The following EEF2K variants were observed in gnomAD, a reference collection of about 807,000 sequenced individuals.
EEF2K encodes eukaryotic elongation factor 2 kinase, also known as alternative protein EEF2K.
EEF2K carries 70 observed loss-of-function variants against 93.8 expected under a neutral mutation model. The observed-to-expected ratio is 0.75, with a 90% CI of 0.62 to 0.91. The LOEUF (loss-of-function observed/expected upper bound fraction) is 0.91. EEF2K is among the 40% of genes least tolerant of loss of function. EEF2K has a pLI of 0.00. For missense variants in EEF2K, 935 were observed against 972.9 expected, an observed-to-expected ratio of 0.96 and a Z score of 0.52; for synonymous variants, 376 against 380.8, an observed-to-expected ratio of 0.99 and a Z score of 0.15.
At position 22,259,777 on chromosome 16, in the gene EEF2K, A is replaced by ATC. The variant is rs1180024920; in HGVS notation, c.1232-675_1232-674dup. Among the ~76,000 whole-genome samples, 35 of 151,794 alleles carry ATC rather than the reference A, an allele frequency of 2.3e-4. 1 individual carries two copies. On this transcript the variant is annotated intron_variant, in intron 10 of 17. Coordinates refer to ENST00000263026, the MANE Select transcript of EEF2K (RefSeq NM_013302.5). ...TTTGTTTGTTTTGTTTTGAGACGGAATCTCTCTCTCTGTCACCCCGGCTGG... is the reference window on the plus strand; with the variant it reads ...TTTGTTTGTTTTGTTTTGAGACGGAATCTCTCTCTCTCTGTCACCCCGGCTGG...
rs751801484 is a variant in EEF2K, at chr16:22,248,775, A to T, written c.368A>T (p.Glu123Val). 2 of 1,613,962 alleles carry T rather than the reference A, an allele frequency of 1.2e-6. No homozygotes were observed. The highest frequency in any genetic ancestry group is 3.3e-5 in the Admixed American group (2 of 59,998). Reference sequence around the variant, plus strand: ...TGCAGGTACAACGCCGTCACCGGGGAATGGCTGGATGATGAAGTTCTGATC... The same window carrying T: ...TGCAGGTACAACGCCGTCACCGGGGTATGGCTGGATGATGAAGTTCTGATC... ...TRHRYNAVTG[E>V]WLDDEVLIKM... The change falls in exon 4 of 18, where the codon GAA becomes GTA. Residue 123 changes from glutamate (E) to valine (V), a missense_variant. Coordinates refer to ENST00000263026, the MANE Select transcript of EEF2K (RefSeq NM_013302.5).
intron 1 of EEF2K, among the ~76,000 whole-genome samples, chr16:22,208,094 CCT>C (rs1353443261): frequency 2.0e-5 from 3 of 152,228 alleles, no homozygotes; most frequent in African/African-American, 7.2e-5. Flanking sequence ...CGTCCGCCCT[CCT>C]CTCAGCCCCC....
intron 12 of EEF2K, among the ~76,000 whole-genome samples, chr16:22,263,698 G>A (rs1175317718): frequency 6.6e-6 from 1 of 152,218 alleles, no homozygotes; most frequent in Non-Finnish European, 1.5e-5. Flanking sequence ...GGCAAGTGTG[G>A]AGGCTTAGAT....
In EEF2K at chr16:22,248,827, G is replaced by A. The variant is rs201888471; in HGVS notation, c.408+12G>A. On this transcript the variant is annotated intron_variant, in intron 4 of 17. Coordinates refer to ENST00000263026, the MANE Select transcript of EEF2K (RefSeq NM_013302.5). ...AGATGGCATCTCAGGTGAGCAGAGC[G>A]TTGAGCCCCGTGGGGACAGGGCTGA... 1,537 of 1,613,772 alleles carry A rather than the reference G, an allele frequency of 9.5e-4. 12 individuals are homozygous for A. The highest frequency in any genetic ancestry group is 2.6e-3 in the Middle Eastern group (16 of 6,060).
intron 4 of EEF2K, among the ~76,000 whole-genome samples, chr16:22,250,279 T>C (rs2047335758): frequency 6.6e-6 from 1 of 152,206 alleles, no homozygotes; most frequent in Non-Finnish European, 1.5e-5. Context: ...ATTGAAGGAA[T>C]ACACCTGGTT....
chr16:22,257,362 C>T lies in EEF2K; in HGVS notation c.878C>T (p.Thr293Ile), dbSNP rs1179908879. 7 of 1,613,664 alleles carry T rather than the reference C, an allele frequency of 4.3e-6. No homozygotes were observed. In the East Asian group the frequency reaches 8.9e-5, roughly 21 times the overall value. Residue 293 changes from threonine (T) to isoleucine (I), a missense_variant, in exon 8 of 18, where the codon ACT becomes ATT. Physicochemically the swap from Thr to Ile is moderately conservative, Grantham distance 89. Transcript: ENST00000263026. Reference sequence around the variant, plus strand: ...CCACAGATCCACACGGAGACGGGCACTGACTTTGGAGACGGCAACCTAGGT... The same window carrying T: ...CCACAGATCCACACGGAGACGGGCATTGACTTTGGAGACGGCAACCTAGGT... ...TDPQIHTETG[T>I]DFGDGNLGVR... is the part of the protein sequence containing the mutation.
rs148266060 is a variant in EEF2K at position 22,225,822 on chromosome 16, C to T, written c.93C>T (p.Ser31=). Residue 31 remains serine (S), a synonymous_variant, in exon 2 of 18, where the codon AGC becomes AGT. Transcript: ENST00000263026. Reference sequence around the variant, plus strand: ...ATGATGGTGATTCTGATGGGGACAGCGACGATGAGGAAGGTTACTTCATCT... The same window carrying T: ...ATGATGGTGATTCTGATGGGGACAGTGACGATGAGGAAGGTTACTTCATCT... ...AGHDGDSDGD[S]DDEEGYFICP... The T allele has an allele frequency of 8.7e-5, 141 of 1,614,234 alleles. 1 individual carries two copies. The African/African-American group carries it at 1.0e-3, about 12-fold the overall frequency.
At position 22,230,016 on chromosome 16, in the gene EEF2K, C is replaced by T. The variant is rs759722099; in HGVS notation, c.246+4041C>T. 4.6e-5 allele frequency among the ~76,000 whole-genome samples: 7 copies of T among 152,162 alleles called. 1 individual carries two copies. In the South Asian group the frequency reaches 6.2e-4, roughly 14 times the overall value. On this transcript the variant is annotated intron_variant, in intron 2 of 17. Transcript: ENST00000263026. ...GGGCAGGCAGCTCCAGAAATAGCCC[C>T]GTGGGTCTCCTCTGGGGTCCGGGGG...
At chr16:22,247,421 C>T (rs1018090942) in intron 3 of EEF2K, among the ~76,000 whole-genome samples, 5 of 150,080 alleles carry the variant, frequency 3.3e-5, no homozygotes, top group Non-Finnish European at 7.4e-5. Context: ...GCACTCCAGC[C>T]TGGGTGATGG....
chr16:22,259,920 T>G (rs2047445955), intron 10 of EEF2K, among the ~76,000 whole-genome samples: 1 of 152,036 alleles, frequency 6.6e-6, no homozygotes. Flanking sequence ...ACCCAGCTAA[T>G]TTTTGTATTT....
At chr16:22,245,287 A>ATAAAT (rs2047276442) in intron 3 of EEF2K, among the ~76,000 whole-genome samples, 1 of 152,046 alleles carries the variant, frequency 6.6e-6, no homozygotes, top group Non-Finnish European at 1.5e-5. Context: ...ATAAAATAAA[A>ATAAAT]TTGTTGCAAA....
intron 2 of EEF2K, among the ~76,000 whole-genome samples, chr16:22,239,165 G>GA (rs1349153270): frequency 6.6e-6 from 1 of 151,728 alleles, no homozygotes; most frequent in Non-Finnish European, 1.5e-5. Context: ...TCTGGGTTTG[G>GA]AAAAAAGGTA....
At chr16:22,264,512 G>C (rs997844372) in intron 12 of EEF2K, among the ~76,000 whole-genome samples, 1 of 152,018 alleles carries the variant, frequency 6.6e-6, no homozygotes, top group Non-Finnish European at 1.5e-5. Context: ...AGCTCTGCCC[G>C]TTACCCCAGT....
At chr16:22,233,043 G>A (rs897010241) in intron 2 of EEF2K, among the ~76,000 whole-genome samples, 2 of 152,218 alleles carry the variant, frequency 1.3e-5, no homozygotes, top group African/African-American at 2.4e-5. Context: ...CTCCCGTGGA[G>A]ACGTGGCAGA....
At chr16:22,242,764 A>G (rs2047236861) in intron 2 of EEF2K, among the ~76,000 whole-genome samples, 1 of 152,278 alleles carries the variant, frequency 6.6e-6, no homozygotes, top group South Asian at 2.1e-4. Flanking sequence ...TGCATCCCAC[A>G]AGATCTTGGA....
At chr16:22,272,379 A>G (rs996851957) in intron 15 of EEF2K, among the ~76,000 whole-genome samples, 1 of 152,246 alleles carries the variant, frequency 6.6e-6, no homozygotes, top group Non-Finnish European at 1.5e-5. Context: ...GATATGCGCT[A>G]CAACACAGAT....
At chr16:22,232,776 C>T (rs768845986) in intron 2 of EEF2K, among the ~76,000 whole-genome samples, 3 of 152,104 alleles carry the variant, frequency 2.0e-5, no homozygotes, top group Non-Finnish European at 4.4e-5. Context: ...TCTAGGTTAT[C>T]GAAAGCAGGC....
chr16:22,272,557 G>T (rs1270192247), intron 15 of EEF2K, among the ~76,000 whole-genome samples: 2 of 152,188 alleles, frequency 1.3e-5, no homozygotes, highest in Non-Finnish European at 2.9e-5. Context: ...GGTAGAGGGA[G>T]ATTGACAGTT....
chr16:22,222,590 C>A (rs2047024700), intron 1 of EEF2K, among the ~76,000 whole-genome samples: 1 of 150,826 alleles, frequency 6.6e-6, no homozygotes, highest in African/African-American at 2.4e-5. Context: ...ACGATTCTGG[C>A]TGGGAGCAGT....
Sources: gnomAD v4.1 joint callset for allele counts (sites outside exome capture counted in the v4.1 genomes callset) on GRCh38, gnomAD v4.1.1 for gene constraint, MANE v1.5 for transcripts, NCBI Gene and HGNC (gene_info 2026-07-23, HGNC 2026-07-21) for gene names.